TCF12: variants seen among roughly 807,000 people sequenced by gnomAD.
TCF12 encodes DNA-binding protein HTF4.
TCF12 carries 45 observed loss-of-function variants against 86.0 expected under a neutral mutation model. The ratio of observed to expected loss-of-function variants is 0.52; its 90% CI spans 0.41 to 0.67. The LOEUF (loss-of-function observed/expected upper bound fraction) is 0.67. TCF12 is among the 30% of genes least tolerant of loss of function. The probability of loss-of-function intolerance (pLI) is 0.00; values close to 1 mark genes in which losing one functional copy is unlikely to be tolerated. For synonymous variants in TCF12, 330 were observed against 299.6 expected, an observed-to-expected ratio of 1.10 and a Z score of -1.05; for missense variants, 881 against 859.9, an observed-to-expected ratio of 1.02 and a Z score of -0.31.
intron 3 of TCF12, among the ~76,000 whole-genome samples, chr15:56,950,348 C>T (rs554431200): frequency 2.6e-5 from 4 of 152,228 alleles, no homozygotes; most frequent in Middle Eastern, 3.4e-3. Context: ...GCCTTAGCCT[C>T]CTGAGTAGCT....
chr15:57,080,666 C>G (rs1174953032), intron 4 of TCF12, among the ~76,000 whole-genome samples: 2 of 152,174 alleles, frequency 1.3e-5, no homozygotes, highest in Non-Finnish European at 2.9e-5. Flanking sequence ...ATTTTGATAT[C>G]TCTGTGAATA....
At chr15:57,253,966 A>T (rs539228608) in intron 16 of TCF12, among the ~76,000 whole-genome samples, 2 of 152,170 alleles carry the variant, frequency 1.3e-5, no homozygotes, top group Non-Finnish European at 2.9e-5. Flanking sequence ...TTAATCCACA[A>T]AGAGAATTTT....
At chr15:57,104,435 C>CTTTTTTTTTTTTT (rs71113062) in intron 5 of TCF12, among the ~76,000 whole-genome samples, 1 of 103,362 alleles carries the variant, frequency 9.7e-6, no homozygotes, top group Non-Finnish European at 1.9e-5. Context: ...TTTTTTTTTT[C>CTTTTTTTTTTTTT]TTTTTTTTTT....
intron 13 of TCF12, among the ~76,000 whole-genome samples, chr15:57,245,737 T>C (rs1007454080): frequency 3.3e-5 from 5 of 152,246 alleles, no homozygotes; most frequent in Non-Finnish European, 2.9e-5. Context: ...TGGGCGATGC[T>C]GTCTTTTTCT....
chr15:57,135,339 T>A (rs2052443526), intron 5 of TCF12, among the ~76,000 whole-genome samples: 1 of 152,216 alleles, frequency 6.6e-6, no homozygotes, highest in South Asian at 2.1e-4. Context: ...ATTGTTCAAA[T>A]GAAAACATGT....
chr15:57,197,908 G>C (rs535875690), intron 8 of TCF12, 83 bp downstream of exon 8: 13 of 1,382,598 alleles, frequency 9.4e-6, no homozygotes, highest in Non-Finnish European at 1.2e-5. Context: ...GGGTACATTC[G>C]ATTGATGCGA....
chr15:57,214,559 AT>A (rs1233177915), intron 8 of TCF12, among the ~76,000 whole-genome samples: 1 of 152,224 alleles, frequency 6.6e-6, no homozygotes, highest in African/African-American at 2.4e-5. Flanking sequence ...CTAAAACTCA[AT>A]TTAGACTTGA....
At chr15:57,014,737 C>T (rs1337848033) in intron 3 of TCF12, among the ~76,000 whole-genome samples, 1 of 152,006 alleles carries the variant, frequency 6.6e-6, no homozygotes, top group African/African-American at 2.4e-5. Context: ...GATTCTTCTG[C>T]AGGGTTGACA....
At chr15:57,283,455 G>C (rs1263821249) in intron 20 of TCF12, among the ~76,000 whole-genome samples, 13 of 152,030 alleles carry the variant, frequency 8.6e-5, no homozygotes, top group Admixed American at 1.3e-4. Context: ...AGTAGAGATG[G>C]GATTTCACGA....
intron 16 of TCF12, among the ~76,000 whole-genome samples, chr15:57,257,853 T>C (rs897990605): frequency 9.9e-5 from 15 of 152,140 alleles, no homozygotes; most frequent in African/African-American, 3.1e-4. Context: ...ATCATTTAAA[T>C]TTTAAAGCGC....
chr15:56,990,190 T>C (rs2063377755), intron 3 of TCF12, among the ~76,000 whole-genome samples: 1 of 145,496 alleles, frequency 6.9e-6, no homozygotes. Context: ...TATACCATTT[T>C]CAACTTAATG....
intron 8 of TCF12, among the ~76,000 whole-genome samples, chr15:57,207,623 A>G (rs2057894781): frequency 6.6e-6 from 1 of 152,110 alleles, no homozygotes; most frequent in South Asian, 2.1e-4. Flanking sequence ...GTGAGCCGAG[A>G]TAAAGATCAC....
chr15:56,961,681 A>G (rs1340274054), intron 3 of TCF12, among the ~76,000 whole-genome samples: 1 of 152,236 alleles, frequency 6.6e-6, no homozygotes, highest in Non-Finnish European at 1.5e-5. Flanking sequence ...AAAACACTTT[A>G]GATCTCATAC....
intron 3 of TCF12, among the ~76,000 whole-genome samples, chr15:57,007,711 T>A (rs1307236734): frequency 6.6e-6 from 1 of 152,148 alleles, no homozygotes; most frequent in African/African-American, 2.4e-5. Flanking sequence ...GATTGAGAAA[T>A]ACCTTCTGAA....
At chr15:57,184,361 C>T (rs1404680785) in intron 6 of TCF12, among the ~76,000 whole-genome samples, 1 of 152,082 alleles carries the variant, frequency 6.6e-6, no homozygotes, top group African/African-American at 2.4e-5. Context: ...TTTTTGACCC[C>T]TAATATAAAT....
chr15:57,003,307 A>G (rs1254280225), intron 3 of TCF12, among the ~76,000 whole-genome samples: 5 of 152,282 alleles, frequency 3.3e-5, no homozygotes. Context: ...TGGTCACAGC[A>G]TTTTTGTTAA....
intron 19 of TCF12, among the ~76,000 whole-genome samples, chr15:57,280,160 G>T (rs1011743356): frequency 6.6e-6 from 1 of 152,096 alleles, no homozygotes; most frequent in South Asian, 2.1e-4. Flanking sequence ...AAAGTGCTGG[G>T]ATTATAGGCA....
chr15:57,172,963 A>C (rs2055627513), intron 6 of TCF12, among the ~76,000 whole-genome samples: 1 of 151,144 alleles, frequency 6.6e-6, no homozygotes, highest in African/African-American at 2.4e-5. Flanking sequence ...AAAAAAGAAA[A>C]CTAGTCAGGT....
chr15:57,246,266 T>C, intron 13 of TCF12, among the ~76,000 whole-genome samples: 1 of 152,186 alleles, frequency 6.6e-6, no homozygotes, highest in African/African-American at 2.4e-5. Context: ...CCATCATTCT[T>C]TAAATCCCCA....
Sources: allele counts gnomAD v4.1 joint callset (sites outside exome capture counted in the v4.1 genomes callset), GRCh38; gene constraint gnomAD v4.1.1; transcripts MANE v1.5; gene names NCBI Gene and HGNC (gene_info 2026-07-23, HGNC 2026-07-21).